The following DLC1 variants were observed in gnomAD, a reference collection of about 807,000 sequenced individuals.
DLC1 encodes rho GTPase-activating protein 7.
Under a neutral mutation model 140.3 loss-of-function variants are expected in DLC1, and 54 were observed. The ratio of observed to expected loss-of-function variants is 0.38; its 90% CI spans 0.31 to 0.48. DLC1 has a LOEUF of 0.48. Ranked by LOEUF, DLC1 falls within the 20% of genes least tolerant of loss-of-function variation. The pLI is 0.96. For synonymous variants in DLC1, 986 were observed against 728.1 expected, an observed-to-expected ratio of 1.35 and a Z score of -5.70; for missense variants, 2,536 against 1,907.0, an observed-to-expected ratio of 1.33 and a Z score of -6.14.
chr8:13,274,332 G>A (rs921352513), intron 5 of DLC1, among the ~76,000 whole-genome samples: 2 of 152,142 alleles, frequency 1.3e-5, no homozygotes, highest in African/African-American at 4.8e-5. Context: ...AAAGTCAGTT[G>A]TCATAGCCAA....
chr8:13,404,339 A>T (rs1051788211), intron 2 of DLC1, among the ~76,000 whole-genome samples: 3 of 152,090 alleles, frequency 2.0e-5, no homozygotes, highest in Admixed American at 6.5e-5. Context: ...AGAAGATGTT[A>T]CTGACTGCAG....
At chr8:13,498,935 A>T (rs1038003240) in intron 2 of DLC1, 114 bp downstream of exon 2, 11 of 1,286,068 alleles carry the variant, frequency 8.6e-6, no homozygotes, top group African/African-American at 3.0e-5. Flanking sequence ...ACATCTGCAT[A>T]ACAGGGCAAA....
chr8:13,463,671 A>G (rs1799785174), intron 2 of DLC1, among the ~76,000 whole-genome samples: 1 of 152,196 alleles, frequency 6.6e-6, no homozygotes, highest in South Asian at 2.1e-4. Flanking sequence ...TGGGGAAAGG[A>G]CGTTGTTCTA....
At chr8:13,399,809 ACTT>A (rs914209445) in intron 3 of DLC1, among the ~76,000 whole-genome samples, 3 of 152,048 alleles carry the variant, frequency 2.0e-5, no homozygotes, top group Admixed American at 2.0e-4. Flanking sequence ...TATATGCAGA[ACTT>A]CTTCTGGCGT....
chr8:13,496,915 C>T (rs896236669), intron 2 of DLC1, among the ~76,000 whole-genome samples: 2 of 151,288 alleles, frequency 1.3e-5, no homozygotes, highest in African/African-American at 4.9e-5. Flanking sequence ...ATTCTCCTGC[C>T]TCAGCCTCCC....
At chr8:13,393,087 A>T (rs937728378) in intron 4 of DLC1, among the ~76,000 whole-genome samples, 14 of 152,142 alleles carry the variant, frequency 9.2e-5, no homozygotes, top group African/African-American at 2.9e-4. Flanking sequence ...ATCCATCTAC[A>T]TCTATCTCTA....
intron 4 of DLC1, among the ~76,000 whole-genome samples, chr8:13,317,063 G>A (rs983041506): frequency 2.6e-5 from 4 of 152,074 alleles, no homozygotes; most frequent in Admixed American, 2.0e-4. Context: ...ATTTATGTAC[G>A]ATTAAAGTCT....
intron 2 of DLC1, among the ~76,000 whole-genome samples, chr8:13,479,052 T>C (rs1421028016): frequency 6.6e-6 from 1 of 152,230 alleles, no homozygotes; most frequent in Non-Finnish European, 1.5e-5. Flanking sequence ...TCTGATTCTT[T>C]TCTCTTATTA....
chr8:13,333,221 A>T (rs1202589471), intron 4 of DLC1, among the ~76,000 whole-genome samples: 1 of 152,034 alleles, frequency 6.6e-6, no homozygotes, highest in Admixed American at 6.6e-5. Context: ...AAAAATTGTC[A>T]TCCTTTCTTT....
chr8:13,472,074 A>G (rs1045737414), intron 2 of DLC1, among the ~76,000 whole-genome samples: 2 of 152,238 alleles, frequency 1.3e-5, no homozygotes, highest in Non-Finnish European at 2.9e-5. Context: ...AAGTCCACAC[A>G]GATGGTAAAT....
At chr8:13,214,493 T>C (rs1046782315) in intron 5 of DLC1, 2 of 665,632 alleles carry the variant, frequency 3.0e-6, no homozygotes, top group African/African-American at 1.8e-5. Flanking sequence ...GTTTCTCTTA[T>C]CATTGGTGAA....
At chr8:13,164,248 G>T (rs903683665) in intron 5 of DLC1, among the ~76,000 whole-genome samples, 2 of 151,486 alleles carry the variant, frequency 1.3e-5, no homozygotes, top group South Asian at 2.1e-4. Context: ...AGTGAGCCAA[G>T]ATCAAGCCAT....
At chr8:13,529,666 G>C (rs1241729549) in intron 1 of DLC1, among the ~76,000 whole-genome samples, 5 of 152,108 alleles carry the variant, frequency 3.3e-5, no homozygotes, top group East Asian at 1.9e-4. Flanking sequence ...GCAACTGAGA[G>C]AGAGCCTCCG....
chr8:13,146,721 T>C (rs557220363), intron 5 of DLC1, among the ~76,000 whole-genome samples: 1 of 152,128 alleles, frequency 6.6e-6, no homozygotes. Flanking sequence ...ATGCTTAAAG[T>C]TGAGAGGATA....
In DLC1 at chr8:13,431,059, A is replaced by G. The variant is rs533167811; in HGVS notation, c.1024-29440T>C. Among the ~76,000 whole-genome samples the G allele has an allele frequency of 8.5e-4, 130 of 152,344 alleles. No individual in the cohort carries two copies. The Middle Eastern group carries it at 0.014, about 16-fold the overall frequency. On this transcript the variant is annotated intron_variant, in intron 2 of 17. Transcript: ENST00000276297. ...CAGTCAACTGAGGGTTTATTAAGCT[A>G]TGGCATGAGTTTGAGCTCTTTAGGT...
chr8:13,510,217 C>T (rs1034895304), intron 1 of DLC1, among the ~76,000 whole-genome samples: 10 of 148,544 alleles, frequency 6.7e-5, no homozygotes, highest in African/African-American at 2.5e-4. Flanking sequence ...TCTTGTCGCC[C>T]AGTCTGGAGT....
chr8:13,318,999 A>C (rs947856689), intron 4 of DLC1, among the ~76,000 whole-genome samples: 1 of 152,172 alleles, frequency 6.6e-6, no homozygotes, highest in Non-Finnish European at 1.5e-5. Context: ...GTTAACTCCA[A>C]AGCTGGGTGC....
At chr8:13,363,248 A>G (rs569640462) in intron 4 of DLC1, among the ~76,000 whole-genome samples, 42 of 152,194 alleles carry the variant, frequency 2.8e-4, no homozygotes, top group African/African-American at 9.9e-4. Flanking sequence ...TGCCACTTGT[A>G]TATTTGCTCC....
At chr8:13,509,837 C>G (rs937731216) in intron 1 of DLC1, among the ~76,000 whole-genome samples, 10 of 152,006 alleles carry the variant, frequency 6.6e-5, no homozygotes, top group Non-Finnish European at 1.5e-4. Context: ...GGTTAGTTAC[C>G]TAAATTCTAT....
Sources: allele counts gnomAD v4.1 joint callset (sites outside exome capture counted in the v4.1 genomes callset), GRCh38; gene constraint gnomAD v4.1.1; transcripts MANE v1.5; gene names NCBI Gene and HGNC (gene_info 2026-07-23, HGNC 2026-07-21).